GLIS3: variants seen among roughly 807,000 people sequenced by gnomAD.
GLIS3 encodes zinc finger protein GLIS3.
A neutral mutation model predicts 78.6 loss-of-function variants in GLIS3; 53 were observed. The ratio of observed to expected loss-of-function variants is 0.67; its 90% CI spans 0.54 to 0.85. The LOEUF (loss-of-function observed/expected upper bound fraction) is 0.85. GLIS3 is among the 40% of genes least tolerant of loss of function. The probability of loss-of-function intolerance (pLI) is 0.00; values close to 1 mark genes in which losing one functional copy is unlikely to be tolerated. For missense variants in GLIS3, 1,703 were observed against 1,231.1 expected (o/e 1.38, Z -5.74); for synonymous variants, 684 against 509.9 (o/e 1.34, Z -4.60).
At chr9:4,433,299 G>A in the GLIS3 span, among the ~76,000 whole-genome samples, 3,050 of 152,158 alleles carry the variant, frequency 0.02, 249 homozygotes, top group East Asian at 0.26. Context: ...GGGCATAGTG[G>A]TACACACCTG....
intron 4 of GLIS3, among the ~76,000 whole-genome samples, chr9:4,077,925 C>T (rs1828217586): frequency 6.6e-6 from 1 of 152,154 alleles, no homozygotes; most frequent in East Asian, 1.9e-4. Flanking sequence ...TTCCTTTGTT[C>T]CTATCTCAAG....
chr9:4,101,867 T>C (rs889848381), intron 4 of GLIS3, among the ~76,000 whole-genome samples: 2 of 152,300 alleles, frequency 1.3e-5, no homozygotes, highest in Non-Finnish European at 2.9e-5. Context: ...CCACAACTTA[T>C]TCCAATCAGA....
In GLIS3 at chr9:3,951,397, G is replaced by GA. The variant is rs753559790; in HGVS notation, c.1711-14209dup. ...AGAAAGCTTTTTGTAAATTAAGAAA[G>GA]AAAAAAAAAAAAGCAAGGCATCCAT... On this transcript the variant is annotated intron_variant, in intron 4 of 10. Transcript: ENST00000381971. Among the ~76,000 whole-genome samples, 764 of 132,484 alleles carry GA rather than the reference G, an allele frequency of 5.8e-3. 4 individuals carry two copies. Among genetic ancestry groups the GA allele is most frequent in the South Asian group, 0.018 (74 of 4,172 alleles). 86.9% of individuals were successfully genotyped at this position (132,484 alleles called of 152,430 possible). A position where few individuals can be genotyped will look rare whatever the true frequency, so the allele number is the denominator to read the frequency against.
chr9:3,900,361 G>C (rs1451545623), intron 6 of GLIS3, among the ~76,000 whole-genome samples: 3 of 152,002 alleles, frequency 2.0e-5, no homozygotes, highest in Admixed American at 6.6e-5. Context: ...GTTCATAGGA[G>C]TGAATATTGG....
intron 2 of GLIS3, among the ~76,000 whole-genome samples, chr9:4,217,819 G>C (rs140462948): frequency 3.9e-5 from 6 of 152,110 alleles, no homozygotes; most frequent in Non-Finnish European, 7.4e-5. Flanking sequence ...AACAAACAAA[G>C]GGATTTCCGT....
Position 3,875,017 on chromosome 9 carries a change from A to G in GLIS3, c.2297+4410T>C, listed in dbSNP as rs1207313676. ...GTAAAAGATGAGCAAACACAAACTC[A>G]GAGGATTTATTCTTGGAATTGTAAA... On this transcript the variant is annotated intron_variant, in intron 8 of 10. Transcript: ENST00000381971. Among the ~76,000 whole-genome samples the G allele has an allele frequency of 2.6e-5, 4 of 152,224 alleles. No homozygotes were observed. In the East Asian group the frequency reaches 7.7e-4, roughly 29 times the overall value.
intron 4 of GLIS3, among the ~76,000 whole-genome samples, chr9:4,088,385 T>G (rs147156975): frequency 6.6e-6 from 1 of 152,140 alleles, no homozygotes; most frequent in East Asian, 1.9e-4. Context: ...GAGAGAAAGG[T>G]TGGAAAAATA....
the GLIS3 span, among the ~76,000 whole-genome samples, chr9:4,482,936 AG>A: frequency 6.6e-6 from 1 of 152,226 alleles, no homozygotes; most frequent in Non-Finnish European, 1.5e-5. Flanking sequence ...AAAAAAAGAG[AG>A]AAGCTAACAT....
chr9:4,302,988 T>G (rs7861665), upstream of GLIS3, among the ~76,000 whole-genome samples: 1 of 152,034 alleles, frequency 6.6e-6, no homozygotes, highest in Non-Finnish European at 1.5e-5. Flanking sequence ...AAGTCCTGCA[T>G]AGCAAGCAGC....
intron 2 of GLIS3, among the ~76,000 whole-genome samples, chr9:4,158,889 G>A (rs145811890): frequency 2.6e-5 from 4 of 152,298 alleles, no homozygotes; most frequent in African/African-American, 9.6e-5. Flanking sequence ...GCCTATGGAA[G>A]AGGTAGCTCA....
chr9:4,483,782 C>T, the GLIS3 span, among the ~76,000 whole-genome samples: 4 of 151,232 alleles, frequency 2.6e-5, no homozygotes, highest in Non-Finnish European at 4.4e-5. Flanking sequence ...GCCAGACCAT[C>T]TGGCTCAACC....
At chr9:4,334,624 G>C (rs990936122) in intron 2 of GLIS3, among the ~76,000 whole-genome samples, 1 of 152,140 alleles carries the variant, frequency 6.6e-6, no homozygotes, top group African/African-American at 2.4e-5. Context: ...AGCCCAACCT[G>C]GCCTAGTGAG....
At chr9:4,340,491 T>C (rs1341900217) in intron 2 of GLIS3, among the ~76,000 whole-genome samples, 1 of 152,142 alleles carries the variant, frequency 6.6e-6, no homozygotes, top group Non-Finnish European at 1.5e-5. Context: ...TCAGGATGCA[T>C]CCTCCATCCC....
chr9:4,094,772 C>T (rs906223285), intron 4 of GLIS3, among the ~76,000 whole-genome samples: 5 of 152,190 alleles, frequency 3.3e-5, no homozygotes, highest in African/African-American at 1.2e-4. Context: ...GATCTTAGAT[C>T]CGATGGCTTA....
intron 2 of GLIS3, among the ~76,000 whole-genome samples, chr9:4,148,083 A>G (rs970838463): frequency 2.0e-5 from 3 of 152,020 alleles, no homozygotes; most frequent in African/African-American, 4.8e-5. Context: ...TTTCTTTTGC[A>G]TAGGAAAGAG....
intron 7 of GLIS3, among the ~76,000 whole-genome samples, chr9:3,889,927 T>G (rs1044728152): frequency 6.6e-6 from 1 of 152,178 alleles, no homozygotes; most frequent in Non-Finnish European, 1.5e-5. Flanking sequence ...CTAAGAACCA[T>G]CATGAAAAGA....
In GLIS3 at chr9:4,111,210, GA is replaced by G. The variant is rs1312882035; in HGVS notation, c.1710+6557del. Among the ~76,000 whole-genome samples the G allele has an allele frequency of 5.3e-5, 8 of 152,158 alleles. No homozygotes were observed. In the East Asian group the frequency reaches 5.8e-4, roughly 11 times the overall value. On this transcript the variant is annotated intron_variant, in intron 4 of 10. Coordinates refer to ENST00000381971, the MANE Select transcript of GLIS3 (RefSeq NM_001042413.2). ...CATTATTTCAAGGCATGAAATTAGA[GA>G]AAAAACACAAAACAAATATGAACTA...
chr9:3,856,144 G>C lies in GLIS3; in HGVS notation c.2338C>G (p.Arg780Gly), dbSNP rs537966660. 1.2e-6 allele frequency: 2 copies of C among 1,614,090 alleles called. No homozygotes were observed. The highest frequency in any genetic ancestry group is 1.7e-6 in the Non-Finnish European group (2 of 1,179,980). ...SAPSPHHISPRRVPAPSSILQ... is the reference protein window; with the variant it reads ...SAPSPHHISPGRVPAPSSILQ... ...ATTGAAGAAGGAGCTGGAACTCTCC[G>C]GGGGCTGATGTGGTGAGGAGATGGA... Residue 780 changes from arginine to glycine, a missense_variant, in exon 9 of 11, where the codon CGG becomes GGG. By Grantham distance (125) the Arg-to-Gly change is moderately radical (BLOSUM62 -2). Coordinates refer to ENST00000381971, the MANE Select transcript of GLIS3 (RefSeq NM_001042413.2).
chr9:4,476,549 A>T, the GLIS3 span, among the ~76,000 whole-genome samples: 1 of 151,974 alleles, frequency 6.6e-6, no homozygotes, highest in African/African-American at 2.4e-5. Flanking sequence ...TTTAGTAAGG[A>T]TGGGGTTTCA....
Sources: gnomAD v4.1 joint callset for allele counts (sites outside exome capture counted in the v4.1 genomes callset) on GRCh38, gnomAD v4.1.1 for gene constraint, MANE v1.5 for transcripts, NCBI Gene and HGNC (gene_info 2026-07-23, HGNC 2026-07-21) for gene names.